Variants in MAP2K5 observed in about 807,000 individuals in gnomAD.
MAP2K5 encodes dual specificity mitogen-activated protein kinase kinase 5.
A neutral mutation model predicts 83.1 loss-of-function variants in MAP2K5; 49 were observed. The observed-to-expected ratio is 0.59, with a 90% CI of 0.47 to 0.75. The LOEUF (loss-of-function observed/expected upper bound fraction) is 0.75, where lower values mean the gene tolerates loss of function less well. Among genes scored for constraint, MAP2K5 ranks in the 30% least tolerant of loss-of-function variants. The pLI is 0.00. For synonymous variants in MAP2K5, 202 were observed against 191.8 expected (o/e 1.05, Z -0.44); for missense variants, 457 against 557.5 (o/e 0.82, Z 1.82).
At chr15:67,545,163 G>A (rs1596539221) in intron 1 of MAP2K5, among the ~76,000 whole-genome samples, 1 of 152,170 alleles carries the variant, frequency 6.6e-6, no homozygotes, top group Non-Finnish European at 1.5e-5. Flanking sequence ...GCCAAGTTGT[G>A]CTTTTTCTCT....
At position 67,793,546 on chromosome 15, in the gene MAP2K5, C is replaced by T. The variant is rs1335532209; in HGVS notation, c.1243-13100C>T. 6.6e-6 allele frequency among the ~76,000 whole-genome samples: 1 copy of T among 152,130 alleles called. No individual in the cohort carries two copies. Among genetic ancestry groups the T allele is most frequent in the Non-Finnish European group, 1.5e-5 (1 of 68,018 alleles). ...GTGCTTTTAATTGGGAAATCAGATACTAAGCTTGTTAGAATCAAGTCTAAA... is the reference window on the plus strand; with the variant it reads ...GTGCTTTTAATTGGGAAATCAGATATTAAGCTTGTTAGAATCAAGTCTAAA... On this transcript the variant is annotated intron_variant, in intron 21 of 21. Coordinates refer to ENST00000178640, the MANE Select transcript of MAP2K5 (RefSeq NM_145160.3). This position sits in a 1 kb window ranked among gnomAD's most constrained non-coding sequence, Gnocchi z 4.6.
At chr15:67,569,509 CT>C (rs973378889) in intron 3 of MAP2K5, among the ~76,000 whole-genome samples, 1 of 152,076 alleles carries the variant, frequency 6.6e-6, no homozygotes, top group East Asian at 1.9e-4. Context: ...AAAAAGAAAA[CT>C]TTTTTCCAGA....
intron 16 of MAP2K5, among the ~76,000 whole-genome samples, chr15:67,716,020 T>C (rs984836614): frequency 6.6e-6 from 1 of 152,234 alleles, no homozygotes; most frequent in Non-Finnish European, 1.5e-5. Flanking sequence ...CAGTCATATA[T>C]TCATTTGGTC....
chr15:67,615,138 C>T (rs1321493959), intron 8 of MAP2K5, among the ~76,000 whole-genome samples: 8 of 152,210 alleles, frequency 5.3e-5, no homozygotes, highest in African/African-American at 1.9e-4. Context: ...CCTGGGATTA[C>T]AGGCACGTGC....
chr15:67,557,086 T>A (rs559728240), intron 2 of MAP2K5, among the ~76,000 whole-genome samples: 1 of 152,224 alleles, frequency 6.6e-6, no homozygotes, highest in Non-Finnish European at 1.5e-5. Flanking sequence ...GACATTCATA[T>A]AGGCCCAGAG....
chr15:67,681,617 G>A (rs2087819829), intron 13 of MAP2K5, among the ~76,000 whole-genome samples: 1 of 152,114 alleles, frequency 6.6e-6, no homozygotes, highest in Non-Finnish European at 1.5e-5. Flanking sequence ...GTCATCTCTT[G>A]GCCAAGATAG....
intron 8 of MAP2K5, among the ~76,000 whole-genome samples, chr15:67,617,663 A>T (rs189732655): frequency 2.0e-5 from 3 of 152,116 alleles, no homozygotes; most frequent in Non-Finnish European, 2.9e-5. Context: ...GGACTTTTTA[A>T]CATGTTATTT....
rs1403015408 is a variant in MAP2K5, at chr15:67,580,800, A to C, written c.299A>C (p.Glu100Ala). ...MEQQVNGQLI[E>A]PLQIFPRACK... is the part of the protein sequence containing the mutation. ...CAGCAAGTAAATGGACAGTTAATAG[A>C]GCCTCTGCAGATATTTCCAAGAGGT... The change falls in exon 4 of 22, where the codon GAG becomes GCG. Residue 100 changes from glutamate to alanine, a missense_variant. Transcript: ENST00000178640. The C allele has an allele frequency of 1.2e-5, 20 of 1,608,460 alleles. No individual in the cohort carries two copies. Among genetic ancestry groups the C allele is most frequent in the Non-Finnish European group, 1.7e-5 (20 of 1,175,870 alleles).
chr15:67,703,318 C>G lies in MAP2K5; in HGVS notation c.973-19C>G. ...AGTAGCATCCGTCCACTCACAGGCTCCCTTCTGATTTCTTGCAGCCTGAAA... is the reference window on the plus strand; with the variant it reads ...AGTAGCATCCGTCCACTCACAGGCTGCCTTCTGATTTCTTGCAGCCTGAAA... On this transcript the variant is annotated intron_variant, in intron 15 of 21. Coordinates refer to ENST00000178640, the MANE Select transcript of MAP2K5 (RefSeq NM_145160.3). 6.3e-7 allele frequency: 1 copy of G among 1,599,336 alleles called. No homozygotes were observed. The highest frequency in any genetic ancestry group is 8.6e-7 in the Non-Finnish European group (1 of 1,167,004).
chr15:67,591,704 G>C (rs1362733577), intron 6 of MAP2K5, among the ~76,000 whole-genome samples: 3 of 151,958 alleles, frequency 2.0e-5, no homozygotes, highest in Non-Finnish European at 4.4e-5. Flanking sequence ...GAACATTGCT[G>C]GGGGAAGGTG....
chr15:67,545,994 C>G (rs549341782), intron 1 of MAP2K5, among the ~76,000 whole-genome samples: 35 of 152,310 alleles, frequency 2.3e-4, no homozygotes, highest in African/African-American at 8.4e-4. Flanking sequence ...GTGGCCCCAC[C>G]ACTAGAGCTC....
In MAP2K5 at chr15:67,587,749, C is replaced by T. The variant is rs1266951123; in HGVS notation, c.431+836C>T. Among the ~76,000 whole-genome samples, 2 of 152,198 alleles carry T rather than the reference C, an allele frequency of 1.3e-5. No homozygotes were observed. On this transcript the variant is annotated intron_variant, in intron 6 of 21. Transcript: ENST00000178640. This position sits in a 1 kb window ranked among gnomAD's most constrained non-coding sequence, Gnocchi z 4.8. ...AGTTGTCTTCCCTCCAAACACAGTT[C>T]TAGATTTTCTGTCTCAGTAAATTCT...
chr15:67,726,435 G>A (rs1434958701), intron 16 of MAP2K5, among the ~76,000 whole-genome samples: 1 of 152,188 alleles, frequency 6.6e-6, no homozygotes. Flanking sequence ...TTTACATGAT[G>A]AACAAGCTGA....
At chr15:67,687,873 T>C (rs1315634749) in intron 13 of MAP2K5, among the ~76,000 whole-genome samples, 1 of 152,004 alleles carries the variant, frequency 6.6e-6, no homozygotes, top group Non-Finnish European at 1.5e-5. Flanking sequence ...GGAGCTTCCC[T>C]TGAAGAGGGG....
rs1212518265 is a variant in MAP2K5 at position 67,755,643 on chromosome 15, A to C, written c.1134+7042A>C. ...GGGGTAGATGATTGTCCCTATTCAT[A>C]ATGATTCTTTTTAGTACCACCATAA... On this transcript the variant is annotated intron_variant, in intron 19 of 21. Coordinates refer to ENST00000178640, the MANE Select transcript of MAP2K5 (RefSeq NM_145160.3). This position sits in a 1 kb window ranked among gnomAD's most constrained non-coding sequence, Gnocchi z 4.7. Among the ~76,000 whole-genome samples, 1 of 152,188 alleles carries C rather than the reference A, an allele frequency of 6.6e-6. No homozygotes were observed. The highest frequency in any genetic ancestry group is 2.4e-5 in the African/African-American group (1 of 41,432).
intron 16 of MAP2K5, 41 bp downstream of exon 16, chr15:67,703,449 C>A: frequency 6.9e-7 from 1 of 1,440,162 alleles, no homozygotes. Flanking sequence ...CATATCTGTA[C>A]TAATATATTC....
At chr15:67,743,226 A>G (rs185401331) in intron 17 of MAP2K5, among the ~76,000 whole-genome samples, 8 of 152,378 alleles carry the variant, frequency 5.3e-5, no homozygotes, top group Admixed American at 5.2e-4. Context: ...AGAAGGTGCC[A>G]GTGAGTAGAT....
intron 11 of MAP2K5, among the ~76,000 whole-genome samples, chr15:67,649,152 T>TTGG (rs2086898700): frequency 6.6e-6 from 1 of 152,220 alleles, no homozygotes; most frequent in East Asian, 1.9e-4. Flanking sequence ...ATGTTGAGCA[T>TTGG]CTTTTCATGT....
rs1186629899 is a variant in MAP2K5 at position 67,749,217 on chromosome 15, T to C, written c.1134+616T>C. Among the ~76,000 whole-genome samples, 1 of 152,224 alleles carries C rather than the reference T, an allele frequency of 6.6e-6. No individual in the cohort carries two copies. The highest frequency in any genetic ancestry group is 1.5e-5 in the Non-Finnish European group (1 of 68,038). ...CATTGAATTCCACTGTTCCTTTGCC[T>C]TCATGGTGCTAATCTACCTGCCTTT... On this transcript the variant is annotated intron_variant, in intron 19 of 21. Coordinates refer to ENST00000178640, the MANE Select transcript of MAP2K5 (RefSeq NM_145160.3). The surrounding 1 kb of genome is among the most constrained non-coding windows in gnomAD (Gnocchi z 4.6).
Sources: gnomAD v4.1 joint callset for allele counts (sites outside exome capture counted in the v4.1 genomes callset) on GRCh38, gnomAD v4.1.1 for gene constraint, Gnocchi (gnomAD v3.1) non-coding constraint, MANE v1.5 for transcripts, NCBI Gene and HGNC (gene_info 2026-07-23, HGNC 2026-07-21) for gene names.